LOC128706666: variants seen among roughly 807,000 people sequenced by gnomAD.
At chr20:10,419,413 G>GT in the LOC128706666 span, among the ~76,000 whole-genome samples, 1 of 151,878 alleles carries the variant, frequency 6.6e-6, no homozygotes, top group Non-Finnish European at 1.5e-5. Context: ...TAAATCAAAC[G>GT]TGACAAATGC....
At chr20:10,422,335 C>T in the LOC128706666 span, among the ~76,000 whole-genome samples, 4 of 152,028 alleles carry the variant, frequency 2.6e-5, no homozygotes, top group Non-Finnish European at 5.9e-5. Flanking sequence ...TTTTTGTAAC[C>T]TTTAGAGAAT....
the LOC128706666 span, among the ~76,000 whole-genome samples, chr20:10,415,440 A>G: frequency 2.6e-5 from 4 of 152,210 alleles, no homozygotes; most frequent in South Asian, 8.3e-4. Context: ...ATTTAGCTAA[A>G]GGGCTGTAAC....
the LOC128706666 span, among the ~76,000 whole-genome samples, chr20:10,431,514 T>C: frequency 1.4e-5 from 2 of 147,318 alleles, no homozygotes; most frequent in East Asian, 2.0e-4. Context: ...AACTCAATGC[T>C]GTATAGGGTC....
the LOC128706666 span, among the ~76,000 whole-genome samples, chr20:10,430,550 G>C: frequency 6.6e-6 from 1 of 152,190 alleles, no homozygotes; most frequent in Non-Finnish European, 1.5e-5. Context: ...CAAACTAAGG[G>C]AAGTGGTCCC....
At chr20:10,414,506 C>T in the LOC128706666 span, among the ~76,000 whole-genome samples, 1 of 152,128 alleles carries the variant, frequency 6.6e-6, no homozygotes, top group Non-Finnish European at 1.5e-5. Flanking sequence ...CTCAGGTGAT[C>T]TGCCCATCTC....
At chr20:10,427,668 T>C in the LOC128706666 span, among the ~76,000 whole-genome samples, 6 of 152,234 alleles carry the variant, frequency 3.9e-5, no homozygotes, top group Non-Finnish European at 5.9e-5. Flanking sequence ...TCTTCAACTG[T>C]GCTATGAAAT....
chr20:10,416,617 G>T, the LOC128706666 span, among the ~76,000 whole-genome samples: 1 of 152,112 alleles, frequency 6.6e-6, no homozygotes, highest in Non-Finnish European at 1.5e-5. Context: ...GGAATTACAG[G>T]GATAAAACAT....
At chr20:10,414,174 G>A in the LOC128706666 span, among the ~76,000 whole-genome samples, 2 of 151,954 alleles carry the variant, frequency 1.3e-5, no homozygotes, top group African/African-American at 4.8e-5. Flanking sequence ...ACAACAACAT[G>A]GCTAGAAAGC....
At chr20:10,415,122 A>ACACAAT in the LOC128706666 span, among the ~76,000 whole-genome samples, 1 of 152,250 alleles carries the variant, frequency 6.6e-6, no homozygotes, top group South Asian at 2.1e-4. Flanking sequence ...GCCTTGAGGC[A>ACACAAT]TAAATTCCTG....
the LOC128706666 span, among the ~76,000 whole-genome samples, chr20:10,414,512 A>G: frequency 8.5e-5 from 13 of 152,054 alleles, no homozygotes; most frequent in Non-Finnish European, 1.5e-4. Flanking sequence ...TGATCTGCCC[A>G]TCTCTGCCTC....
chr20:10,429,298 T>C, the LOC128706666 span, among the ~76,000 whole-genome samples: 1 of 152,146 alleles, frequency 6.6e-6, no homozygotes, highest in African/African-American at 2.4e-5. Flanking sequence ...TCTATACTGT[T>C]CCTTCTTAGT....
At chr20:10,431,348 C>A in the LOC128706666 span, among the ~76,000 whole-genome samples, 1 of 152,142 alleles carries the variant, frequency 6.6e-6, no homozygotes, top group Middle Eastern at 3.4e-3. Flanking sequence ...CAAATATGTA[C>A]AAGATTAATT....
At chr20:10,419,379 ATATAG>A in the LOC128706666 span, among the ~76,000 whole-genome samples, 1 of 152,160 alleles carries the variant, frequency 6.6e-6, no homozygotes, top group African/African-American at 2.4e-5. Context: ...TATAATCATA[ATATAG>A]TATAACGCTA....
At chr20:10,428,691 T>C in the LOC128706666 span, among the ~76,000 whole-genome samples, 1 of 151,980 alleles carries the variant, frequency 6.6e-6, no homozygotes. Flanking sequence ...ATATGAAAAA[T>C]TAGCTGGATG....
At chr20:10,432,789 CAAAAAAAAAAAAAA>C in the LOC128706666 span, among the ~76,000 whole-genome samples, 2 of 74,560 alleles carry the variant, frequency 2.7e-5, no homozygotes, top group Admixed American at 1.9e-4. Context: ...GACTCTTTGT[CAAAAAAAAAAAAAA>C]AAAAAAAAAA....
the LOC128706666 span, among the ~76,000 whole-genome samples, chr20:10,426,615 T>G: frequency 2.0e-5 from 3 of 152,156 alleles, no homozygotes; most frequent in Non-Finnish European, 4.4e-5. Context: ...CCCAGGCTGG[T>G]CTCAACTCCT....
At chr20:10,431,577 C>G in the LOC128706666 span, 1 of 152,168 alleles carries the variant, frequency 6.6e-6, no homozygotes, top group African/African-American at 2.4e-5. Flanking sequence ...CAAACCCGCA[C>G]AAAAAACTGC....
chr20:10,417,245 TAAA>T, the LOC128706666 span, among the ~76,000 whole-genome samples: 167 of 132,388 alleles, frequency 1.3e-3, no homozygotes, highest in African/African-American at 2.3e-3. Context: ...GACTCCATCT[TAAA>T]AAAAAAAAAA....
At chr20:10,418,239 A>G in the LOC128706666 span, among the ~76,000 whole-genome samples, 10 of 152,266 alleles carry the variant, frequency 6.6e-5, no homozygotes, top group African/African-American at 2.4e-4. Context: ...AAAGATGGAT[A>G]AAAGAAGACT....
Sources: gnomAD v4.1 joint callset for allele counts (sites outside exome capture counted in the v4.1 genomes callset) on GRCh38, gnomAD v4.1.1 for gene constraint, MANE v1.5 for transcripts.